The following HDAC10 variants were observed in gnomAD, a reference collection of about 807,000 sequenced individuals.
The protein encoded by HDAC10 is polyamine deacetylase HDAC10.
A neutral mutation model predicts 82.3 loss-of-function variants in HDAC10; 90 were observed. The observed-to-expected ratio is 1.09, with a 90% CI of 0.92 to 1.30. The LOEUF is 1.30. Among genes scored for constraint, HDAC10 ranks in the 50% most tolerant of loss-of-function variants. The pLI, the probability that HDAC10 is intolerant of heterozygous loss-of-function variation, is 0.00. For synonymous variants in HDAC10, 456 were observed against 391.7 expected (o/e 1.16, Z -1.94); for missense variants, 934 against 876.3 (o/e 1.07, Z -0.83).
At chr22:50,246,187 G>T in intron 17 of HDAC10, 95 bp from the exon 18 acceptor site, 2 of 1,532,280 alleles carry the variant, frequency 1.3e-6, no homozygotes, top group South Asian at 1.2e-5. Context: ...AGTAGGAGCA[G>T]GGAGACAGGA....
In HDAC10 at chr22:50,248,411, C is replaced by T. The variant is rs1300497917; in HGVS notation, c.968G>A (p.Gly323Asp). 2.5e-6 allele frequency: 4 copies of T among 1,608,958 alleles called. No individual in the cohort carries two copies. The highest frequency in any genetic ancestry group is 1.3e-5 in the African/African-American group (1 of 74,896). Residue 323 changes from glycine to aspartate, a missense_variant, in exon 11 of 20, where the codon GGT (glycine) becomes GAT (aspartate). Physicochemically the swap from Gly to Asp is moderately conservative, Grantham distance 94. Coordinates refer to ENST00000216271, the MANE Select transcript of HDAC10 (RefSeq NM_032019.6). This position sits in a 1 kb window ranked among gnomAD's most constrained non-coding sequence, Gnocchi z 5.4. ...SVCMTVQTLLGDPAPPLSGPM... is the reference protein window; with the variant it reads ...SVCMTVQTLLDDPAPPLSGPM... The stretch of plus-strand genomic sequence containing the variant: ...CCCTGACAGGGGTGGGGCCGGGTCA[C>T]CCAGCAGCGTCTGTACTGTCATGCA...
Position 50,247,884 on chromosome 22 carries a change from G to A in HDAC10, c.1337+6C>T, listed in dbSNP as rs755896211. On this transcript the variant is annotated splice_donor_region_variant and intron_variant, in intron 13 of 19. Coordinates refer to ENST00000216271, the MANE Select transcript of HDAC10 (RefSeq NM_032019.6). ...CCATCCTTCTCCCCAGGCCAGCCCT[G>A]CCCACCTGGCCCAGGCTTCTGTCTC... is the stretch of plus-strand genomic sequence containing the variant. 7.4e-6 allele frequency: 12 copies of A among 1,612,620 alleles called. No individual in the cohort carries two copies. Among genetic ancestry groups the A allele is most frequent in the Non-Finnish European group, 9.3e-6 (11 of 1,179,930 alleles).
In HDAC10 at chr22:50,250,165, G is replaced by A; in HGVS notation, c.292-5C>T. The stretch of plus-strand genomic sequence containing the variant: ...CCGCGCGCAGTGAAAGGTACTCTGT[G>A]GGCGCAGGGGCGCAGATGAGCCCCC... On this transcript the variant is annotated splice_polypyrimidine_tract_variant and splice_region_variant and intron_variant, in intron 3 of 19. Transcript: ENST00000216271. 6.2e-7 allele frequency: 1 copy of A among 1,609,224 alleles called. No individual in the cohort carries two copies. Among genetic ancestry groups the A allele is most frequent in the Non-Finnish European group, 8.5e-7 (1 of 1,178,564 alleles).
Position 50,248,139 on chromosome 22 carries a change from G to A in HDAC10, c.1088C>T (p.Thr363Ile), listed in dbSNP as rs761615631. Reference protein sequence around the residue: ...HWKSLQQQDVTAVPMSPSSHS... With the variant: ...HWKSLQQQDVIAVPMSPSSHS... ...GCTGCTGGGGCTCATCGGCACAGCG[G>A]TCACATCTAGGGACAGTTCGGAGTC... Residue 363 changes from threonine (T) to isoleucine (I), a missense_variant, in exon 13 of 20, where the codon ACC (threonine) becomes ATC (isoleucine). Physicochemically the swap from Thr to Ile is moderately conservative, Grantham distance 89. Coordinates refer to ENST00000216271, the MANE Select transcript of HDAC10 (RefSeq NM_032019.6). This position sits in a 1 kb window ranked among gnomAD's most constrained non-coding sequence, Gnocchi z 5.4. 6.3e-6 allele frequency: 10 copies of A among 1,584,854 alleles called. No individual in the cohort carries two copies. The highest frequency in any genetic ancestry group is 8.6e-6 in the Non-Finnish European group (10 of 1,164,208).
chr22:50,249,128 T>G lies in HDAC10; in HGVS notation c.731A>C (p.His244Pro). ...GNADYVAAFLHLLLPLAFEFD... is the reference protein window; with the variant it reads ...GNADYVAAFLPLLLPLAFEFD... ...CTCAAAGGCCAGTGGGAGCAGCAGG[T>G]GCAGGAAGGCAGCCACGTAGTCAGC... Residue 244 changes from histidine (H) to proline (P), a missense_variant, in exon 8 of 20, where the codon CAC (histidine) becomes CCC (proline). Coordinates refer to ENST00000216271, the MANE Select transcript of HDAC10 (RefSeq NM_032019.6). This position sits in a 1 kb window ranked among gnomAD's most constrained non-coding sequence, Gnocchi z 4.4. The G allele has an allele frequency of 6.2e-7, 1 of 1,602,618 alleles. No individual in the cohort carries two copies. Among genetic ancestry groups the G allele is most frequent in the Non-Finnish European group, 8.5e-7 (1 of 1,175,466 alleles).
Position 50,249,516 on chromosome 22 carries a change from C to T in HDAC10, c.564-62G>A, listed in dbSNP as rs2065035129. ...AGGACCCTCAACAGCTCTACAGCTC[C>T]CTGTAGAACGCTGACCCCTGAGCAC... On this transcript the variant is annotated intron_variant, in intron 6 of 19. Transcript: ENST00000216271. This position sits in a 1 kb window ranked among gnomAD's most constrained non-coding sequence, Gnocchi z 4.4. The T allele has an allele frequency of 3.1e-6, 5 of 1,607,144 alleles. No homozygotes were observed. The highest frequency in any genetic ancestry group is 4.3e-6 in the Non-Finnish European group (5 of 1,175,798).
In HDAC10 at chr22:50,248,286, T is replaced by C. The variant is rs761270163; in HGVS notation, c.1020A>G (p.Leu340=). ...SGPMAPCQSA[L]ESIQSARAAQ... ...CAGCACGGGCACTCTGGATGGACTC[T>C]AGGGCACTGTGAGGGAGACACAACA... Residue 340 remains leucine (L), a synonymous_variant, in exon 12 of 20, where the codon CTA becomes CTG. Transcript: ENST00000216271. The surrounding 1 kb of genome is among the most constrained non-coding windows in gnomAD (Gnocchi z 5.4). The C allele has an allele frequency of 5.0e-6, 8 of 1,612,448 alleles. No individual in the cohort carries two copies. The highest frequency in any genetic ancestry group is 6.8e-6 in the Non-Finnish European group (8 of 1,179,900).
At position 50,250,537 on chromosome 22, in the gene HDAC10, G is replaced by A. The variant is rs562593274; in HGVS notation, c.195-14C>T. 17 of 1,602,944 alleles carry A rather than the reference G, an allele frequency of 1.1e-5. No homozygotes were observed. In the East Asian group the frequency reaches 1.1e-4, roughly 11 times the overall value. On this transcript the variant is annotated splice_polypyrimidine_tract_variant and intron_variant, in intron 2 of 19. Transcript: ENST00000216271. Reference sequence around the variant, plus strand: ...ACATACTCTGGGCTGCATGCAGATGGGCAGGCAGGAGAGGCAGGGTCACCA... The same window carrying A: ...ACATACTCTGGGCTGCATGCAGATGAGCAGGCAGGAGAGGCAGGGTCACCA...
At position 50,250,534 on chromosome 22, in the gene HDAC10, A is replaced by T. The variant is rs750206826; in HGVS notation, c.195-11T>A. 2.5e-6 allele frequency: 4 copies of T among 1,588,124 alleles called. No individual in the cohort carries two copies. The highest frequency in any genetic ancestry group is 3.3e-5 in the Admixed American group (2 of 59,718). On this transcript the variant is annotated splice_polypyrimidine_tract_variant and intron_variant, in intron 2 of 19. Transcript: ENST00000216271. ...GATACATACTCTGGGCTGCATGCAG[A>T]TGGGCAGGCAGGAGAGGCAGGGTCA...
Position 50,247,946 on chromosome 22 carries a change from A to AG in HDAC10, c.1280dup (p.Asp428Ter). The stretch of plus-strand genomic sequence containing the variant: ...CTGACGCTTCCTGTTGGATGACGTC[A>AG]GGGGGCAGAACCAATGTGATATCCG... On this transcript the variant is annotated frameshift_variant, in exon 13 of 20. Transcript: ENST00000216271. LOFTEE classifies it high-confidence loss of function. 1 of 1,612,798 alleles carries AG rather than the reference A, an allele frequency of 6.2e-7. No homozygotes were observed. The highest frequency in any genetic ancestry group is 8.5e-7 in the Non-Finnish European group (1 of 1,179,968).
At chr22:50,247,275 G>A (rs963389073) in intron 14 of HDAC10, 5 of 338,086 alleles carry the variant, frequency 1.5e-5, no homozygotes, top group African/African-American at 8.5e-5. Flanking sequence ...AGTAACTACA[G>A]GCACACACCA....
Position 50,249,400 on chromosome 22 carries a change from C to T in HDAC10, c.618G>A (p.Leu206=). 1 of 1,612,718 alleles carries T rather than the reference C, an allele frequency of 6.2e-7. No individual in the cohort carries two copies. The highest frequency in any genetic ancestry group is 8.5e-7 in the Non-Finnish European group (1 of 1,179,966). Residue 206 remains leucine, a synonymous_variant, in exon 7 of 20, where the codon CTG becomes CTA. Transcript: ENST00000216271. The surrounding 1 kb of genome is among the most constrained non-coding windows in gnomAD (Gnocchi z 4.4). ...RYEHGRFWPF[L]RESDADAVGR... ...CCACTGCGTCTGCATCTGACTCTCG[C>T]AGGAAAGGCCAGAAGCGCCCATGCT... is the stretch of plus-strand genomic sequence containing the variant.
At position 50,248,730 on chromosome 22, in the gene HDAC10, C is replaced by G; in HGVS notation, c.838G>C (p.Glu280Gln). Residue 280 changes from glutamate (E) to glutamine (Q), a missense_variant, in exon 10 of 20, where the codon GAG (glutamate) becomes CAG (glutamine). Physicochemically the swap from Glu to Gln is conservative, Grantham distance 29. Transcript: ENST00000216271. The surrounding 1 kb of genome is among the most constrained non-coding windows in gnomAD (Gnocchi z 5.4). Reference sequence around the variant, plus strand: ...AGCTGTGTGAGGTGGGCGAAGCACTCTGGCGTGGCCTGCATTTGCCCCTGG... The same window carrying G: ...AGCTGTGTGAGGTGGGCGAAGCACTGTGGCGTGGCCTGCATTTGCCCCTGG... ...DPEGQMQATP[E>Q]CFAHLTQLLQ... 4 of 1,573,042 alleles carry G rather than the reference C, an allele frequency of 2.5e-6. No individual in the cohort carries two copies. The highest frequency in any genetic ancestry group is 3.5e-6 in the Non-Finnish European group (4 of 1,158,854).
At chr22:50,246,785 A>T (rs753105346) in intron 15 of HDAC10, 50 bp from the exon 16 acceptor site, 46 of 1,606,432 alleles carry the variant, frequency 2.9e-5, no homozygotes, top group Non-Finnish European at 3.9e-5. Flanking sequence ...TCCAGAGTCC[A>T]TTCCCAGAAC....
At position 50,248,037 on chromosome 22, in the gene HDAC10, G is replaced by A; in HGVS notation, c.1190C>T (p.Ser397Phe). The A allele has an allele frequency of 6.2e-7, 1 of 1,612,168 alleles. No individual in the cohort carries two copies. The highest frequency in any genetic ancestry group is 8.5e-7 in the Non-Finnish European group (1 of 1,179,652). The part of the protein sequence containing the change: ...VCKAAASAPS[S>F]LLDQPCLCPA... ...GCAGAGGCACGGCTGGTCCAGGAGG[G>A]AGCTCGGTGCAGATGCAGCTGCCTT... Residue 397 changes from serine (S) to phenylalanine (F), a missense_variant, in exon 13 of 20, where the codon TCC (serine) becomes TTC (phenylalanine). Transcript: ENST00000216271. This position sits in a 1 kb window ranked among gnomAD's most constrained non-coding sequence, Gnocchi z 5.4.
chr22:50,249,039 C>T lies in HDAC10; in HGVS notation c.756+64G>A, dbSNP rs544572518. On this transcript the variant is annotated intron_variant, in intron 8 of 19. Coordinates refer to ENST00000216271, the MANE Select transcript of HDAC10 (RefSeq NM_032019.6). The surrounding 1 kb of genome is among the most constrained non-coding windows in gnomAD (Gnocchi z 4.4). ...ATAACCCTCCTCCTGCCTTCACTGG[C>T]GCACTCCAGGCACAAGGTCCCCCTC... 458 of 1,466,768 alleles carry T rather than the reference C, an allele frequency of 3.1e-4. 4 individuals carry two copies. Among genetic ancestry groups the T allele is most frequent in the Middle Eastern group, 3.1e-3 (18 of 5,766 alleles). The allele number at this position is 1,466,768 out of a possible 1,614,324, so 90.9% of individuals were successfully genotyped here.
rs2065082686 is a variant in HDAC10 at position 50,251,145 on chromosome 22, C to T, written c.-113G>A. The T allele has an allele frequency of 2.5e-6, 3 of 1,176,570 alleles. No individual in the cohort carries two copies. The highest frequency in any genetic ancestry group is 3.6e-6 in the Non-Finnish European group (3 of 838,026). The allele number at this position is 1,176,570 out of a possible 1,614,324, so 72.9% of individuals were successfully genotyped here. The stretch of plus-strand genomic sequence containing the variant: ...GGAGGCCTGGGACCTGCCTGGGGCG[C>T]AGGCGGGCGGCGGGCACCGGCCTGG... On this transcript the variant is annotated 5_prime_UTR_variant, in exon 1 of 20. Transcript: ENST00000216271.
At position 50,250,279 on chromosome 22, in the gene HDAC10, G is replaced by C. The variant is rs1458202322; in HGVS notation, c.292-119C>G. 8 of 1,230,474 alleles carry C rather than the reference G, an allele frequency of 6.5e-6. No homozygotes were observed. In the East Asian group the frequency reaches 7.2e-5, roughly 11 times the overall value. 76.2% of individuals were successfully genotyped at this position (1,230,474 alleles called of 1,614,324 possible). A position where few individuals can be genotyped will look rare whatever the true frequency, so the allele number is the denominator to read the frequency against. ...GCTGAGCAGAACAGGCCAGCCCCAG[G>C]CTCTGGCAGTGCCAGCAGGCAGGTG... On this transcript the variant is annotated intron_variant, in intron 3 of 19. Transcript: ENST00000216271.
rs373118150 is a variant in HDAC10 at position 50,248,510 on chromosome 22, T to A, written c.907-38A>T. On this transcript the variant is annotated intron_variant, in intron 10 of 19. Coordinates refer to ENST00000216271, the MANE Select transcript of HDAC10 (RefSeq NM_032019.6). This position sits in a 1 kb window ranked among gnomAD's most constrained non-coding sequence, Gnocchi z 5.4. ...TGGAGACATGATTGGGGCAGAGATA[T>A]CACTGGGATGGGATGTCACCGGGAG... is the stretch of plus-strand genomic sequence containing the variant. The A allele has an allele frequency of 6.3e-7, 1 of 1,577,236 alleles. No homozygotes were observed. Among genetic ancestry groups the A allele is most frequent in the Admixed American group, 1.7e-5 (1 of 57,310 alleles).
Sources: allele counts gnomAD v4.1 joint callset, GRCh38; gene constraint gnomAD v4.1.1; non-coding constraint Gnocchi (gnomAD v3.1); transcripts MANE v1.5; gene names NCBI Gene and HGNC (gene_info 2026-07-23, HGNC 2026-07-21).